Variants in CLIC1 observed in about 807,000 individuals in gnomAD.
The protein encoded by CLIC1 is CLIC family member 1.
A neutral mutation model predicts 26.4 loss-of-function variants in CLIC1; 16 were observed. That is an observed-to-expected ratio of 0.61 (90% CI 0.41 to 0.92). The LOEUF (loss-of-function observed/expected upper bound fraction) is 0.92. Among genes scored for constraint, CLIC1 ranks in the 40% least tolerant of loss-of-function variants. The pLI is 0.00. For synonymous variants in CLIC1, 98 were observed against 120.8 expected (o/e 0.81, Z 1.24); for missense variants, 225 against 289.7 (o/e 0.78, Z 1.62).
upstream of CLIC1, chr6:31,736,717 T>C: frequency 1.9e-6 from 2 of 1,027,796 alleles, no homozygotes; most frequent in African/African-American, 1.7e-5. The surrounding 1 kb of genome is among the most constrained non-coding windows in gnomAD (Gnocchi z 5.0). Context: ...AACACAGGAC[T>C]CTTTTCTGCC....
In CLIC1 at chr6:31,730,925, C is replaced by G. The variant is rs764853833; in HGVS notation, c.643G>C (p.Ala215Pro). ...CAGGTGGAAGCGAATTCTTCCCGGG[C>G]GTAGGCATTGCTCAAGTACCGATGC... Residue 215 changes from alanine to proline, a missense_variant, in exon 6 of 6, where the codon GCC (alanine) becomes CCC (proline). Ala to Pro is a conservative substitution (Grantham distance 27). Coordinates refer to ENST00000375784, the Ensembl canonical transcript of CLIC1. This position sits in a 1 kb window ranked among gnomAD's most constrained non-coding sequence, Gnocchi z 5.1. 3.1e-6 allele frequency: 5 copies of G among 1,612,942 alleles called. 1 individual carries two copies. In the South Asian group the frequency reaches 4.4e-5, roughly 14 times the overall value.
Position 31,736,479 on chromosome 6 carries a change from G to T in CLIC1, c.-179C>A, listed in dbSNP as rs142895131. 858 of 1,412,462 alleles carry T rather than the reference G, an allele frequency of 6.1e-4. 7 individuals are homozygous for T. In the African/African-American group the frequency reaches 0.011, roughly 18 times the overall value. The allele number at this position is 1,412,462 out of a possible 1,614,324, so 87.5% of individuals were successfully genotyped here. On this transcript the variant is annotated 5_prime_UTR_variant, in exon 1 of 6. Coordinates refer to ENST00000375784, the Ensembl canonical transcript of CLIC1. The surrounding 1 kb of genome is among the most constrained non-coding windows in gnomAD (Gnocchi z 5.0). The stretch of plus-strand genomic sequence containing the variant: ...AACTAGGCCTCCCCACCAGCCCAAC[G>T]CACCCCACACCCAGCTCCTCCAGCT...
rs752246685 is a variant in CLIC1, at chr6:31,730,926, G to A, written c.642C>T (p.Tyr214=). 8.1e-6 allele frequency: 13 copies of A among 1,612,948 alleles called. No individual in the cohort carries two copies. Among genetic ancestry groups the A allele is most frequent in the East Asian group, 2.2e-5 (1 of 44,898 alleles). ...AGGTGGAAGCGAATTCTTCCCGGGCGTAGGCATTGCTCAAGTACCGATGCA... is the reference window on the plus strand; with the variant it reads ...AGGTGGAAGCGAATTCTTCCCGGGCATAGGCATTGCTCAAGTACCGATGCA... The change falls in exon 6 of 6, where the codon TAC becomes TAT. Residue 214 remains tyrosine (Y), a synonymous_variant. Coordinates refer to ENST00000375784, the Ensembl canonical transcript of CLIC1. The surrounding 1 kb of genome is among the most constrained non-coding windows in gnomAD (Gnocchi z 5.1).
chr6:31,736,392 C>T lies in CLIC1; in HGVS notation c.-92G>A. On this transcript the variant is annotated 5_prime_UTR_variant, in exon 1 of 6. Coordinates refer to ENST00000375784, the Ensembl canonical transcript of CLIC1. The surrounding 1 kb of genome is among the most constrained non-coding windows in gnomAD (Gnocchi z 5.0). ...CGGGTCTCACACTCAGGGACTCTCT[C>T]CCCTAGACCCAGGGCTGTCCCTTCA... 6.2e-7 allele frequency: 1 copy of T among 1,604,070 alleles called. No individual in the cohort carries two copies. The highest frequency in any genetic ancestry group is 8.5e-7 in the Non-Finnish European group (1 of 1,176,072).
chr6:31,730,957 C>G lies in CLIC1; in HGVS notation c.611G>C (p.Arg204Pro). The change falls in exon 6 of 6, where the codon CGG becomes CCG. Residue 204 changes from arginine (R) to proline (P), a missense_variant. Coordinates refer to ENST00000375784, the Ensembl canonical transcript of CLIC1. The surrounding 1 kb of genome is among the most constrained non-coding windows in gnomAD (Gnocchi z 5.1). ...ATTGCTCAAGTACCGATGCACTCCC[C>G]GGAAGGCCTCGGGGATGGTGAATCC... 3 of 1,612,962 alleles carry G rather than the reference C, an allele frequency of 1.9e-6. No individual in the cohort carries two copies. Among genetic ancestry groups the G allele is most frequent in the Non-Finnish European group, 2.5e-6 (3 of 1,179,986 alleles).
upstream of CLIC1, chr6:31,736,664 A>G (rs1808355428): frequency 9.0e-7 from 1 of 1,114,644 alleles, no homozygotes; most frequent in South Asian, 3.1e-5. This position sits in a 1 kb window ranked among gnomAD's most constrained non-coding sequence, Gnocchi z 5.0. Context: ...GGGGGTGTTA[A>G]GGAGGAGTCC....
Sources: gnomAD v4.1 joint callset for allele counts on GRCh38, gnomAD v4.1.1 for gene constraint, Gnocchi (gnomAD v3.1) non-coding constraint, MANE v1.5 for transcripts, NCBI Gene and HGNC (gene_info 2026-07-23, HGNC 2026-07-21) for gene names.